Variants in RBFOX3 observed in about 807,000 individuals in gnomAD.
The protein encoded by RBFOX3 is RNA binding fox-1 homolog 3, also known as RNA binding protein fox-1 homolog 3.
A neutral mutation model predicts 48.7 loss-of-function variants in RBFOX3; 17 were observed. That is an observed-to-expected ratio of 0.35 (90% CI 0.24 to 0.52). The LOEUF is 0.52. RBFOX3 is among the 20% of genes least tolerant of loss of function. The pLI is 0.94. For synonymous variants in RBFOX3, 212 were observed against 209.5 expected (o/e 1.01, Z -0.10); for missense variants, 382 against 497.5 (o/e 0.77, Z 2.21).
At chr17:79,245,948 CTTT>C (rs2063113885) in intron 3 of RBFOX3, among the ~76,000 whole-genome samples, 2 of 152,096 alleles carry the variant, frequency 1.3e-5, no homozygotes, top group South Asian at 4.2e-4. Flanking sequence ...TTTTAATCCA[CTTT>C]TTAAGACAAT....
intron 4 of RBFOX3, among the ~76,000 whole-genome samples, chr17:79,177,210 C>CCA (rs978517407): frequency 4.1e-4 from 44 of 106,184 alleles, no homozygotes; most frequent in Middle Eastern, 9.1e-3. Context: ...CTCCTCCTCT[C>CCA]CCCCCCCGCC....
At chr17:79,468,965 TG>T (rs2076702131) in intron 2 of RBFOX3, among the ~76,000 whole-genome samples, 11 of 147,794 alleles carry the variant, frequency 7.4e-5, no homozygotes, top group Non-Finnish European at 1.5e-4. Context: ...GATGGATGGA[TG>T]GATGGATGGA....
chr17:79,520,538 G>A (rs890770578), intron 1 of RBFOX3, among the ~76,000 whole-genome samples: 38 of 152,212 alleles, frequency 2.5e-4, no homozygotes, highest in African/African-American at 9.1e-4. Context: ...TTCCCACACC[G>A]CCTGCCCCCT....
rs995239988 is a variant in RBFOX3 at position 79,502,921 on chromosome 17, G to C, written c.-319-20323C>G. On this transcript the variant is annotated intron_variant, in intron 1 of 14. Coordinates refer to ENST00000693108, the MANE Select transcript of RBFOX3 (RefSeq NM_001350451.2). ...TCACAGAGAACCCTTTCAAAGTCCT[G>C]TCCCGATCAGCTCAGGACCCCATAA... is the stretch of plus-strand genomic sequence containing the variant. Among the ~76,000 whole-genome samples, 29 of 152,314 alleles carry C rather than the reference G, an allele frequency of 1.9e-4. 1 individual carries two copies. The South Asian group carries it at 6.0e-3, about 32-fold the overall frequency.
intron 2 of RBFOX3, among the ~76,000 whole-genome samples, chr17:79,330,538 C>G (rs566844658): frequency 6.7e-6 from 1 of 149,884 alleles, no homozygotes. Flanking sequence ...AGGTTCCACA[C>G]GCTTCTCCGT....
intron 4 of RBFOX3, among the ~76,000 whole-genome samples, chr17:79,120,045 T>A (rs1268849986): frequency 1.3e-5 from 2 of 152,220 alleles, no homozygotes; most frequent in East Asian, 3.8e-4. Flanking sequence ...TTCCCAGGTC[T>A]GCTAGGGTCA....
chr17:79,279,937 G>A (rs906878114), intron 3 of RBFOX3, among the ~76,000 whole-genome samples: 4 of 152,182 alleles, frequency 2.6e-5, no homozygotes, highest in East Asian at 1.9e-4. Flanking sequence ...GAGGCACCGC[G>A]TGTCTGTGTG....
chr17:79,110,969 G>A (rs2146831128), intron 5 of RBFOX3, among the ~76,000 whole-genome samples: 1 of 152,352 alleles, frequency 6.6e-6, no homozygotes, highest in African/African-American at 2.4e-5. Flanking sequence ...CCTTCCATAA[G>A]CTGTGAGAGC....
At position 79,378,988 on chromosome 17, in the gene RBFOX3, G is replaced by A. The variant is rs116739298; in HGVS notation, c.-174-71164C>T. On this transcript the variant is annotated intron_variant, in intron 2 of 14. Coordinates refer to ENST00000693108, the MANE Select transcript of RBFOX3 (RefSeq NM_001350451.2). ...GCTTCGGAAAGCGGGTAGGAGCCTG[G>A]GTTCCGTGTCCCAGCCCTGGGTCTG... Among the ~76,000 whole-genome samples the A allele has an allele frequency of 7.0e-3, 1,063 of 152,280 alleles. 10 individuals carry two copies. The highest frequency in any genetic ancestry group is 0.024 in the African/African-American group (1,013 of 41,560).
intron 3 of RBFOX3, among the ~76,000 whole-genome samples, chr17:79,246,085 C>G (rs553402568): frequency 6.6e-6 from 1 of 152,294 alleles, no homozygotes; most frequent in South Asian, 2.1e-4. Context: ...TTTTCCTGCC[C>G]TCTCTGTCTT....
rs181878052 is a variant in RBFOX3, at chr17:79,103,373, A to G, written c.415-119T>C. The G allele has an allele frequency of 8.8e-4, 619 of 702,876 alleles. 3 individuals are homozygous for G. The African/African-American group carries it at 9.8e-3, about 11-fold the overall frequency. 43.5% of individuals were successfully genotyped at this position (702,876 alleles called of 1,614,324 possible). A position where few individuals can be genotyped will look rare whatever the true frequency, so the allele number is the denominator to read the frequency against. On this transcript the variant is annotated intron_variant, in intron 7 of 14. Transcript: ENST00000693108. This position sits in a 1 kb window ranked among gnomAD's most constrained non-coding sequence, Gnocchi z 6.1. ...GCAGGGGAGTGGGGAGAGAGAGAGA[A>G]GGGGTTGAGTCAGGTGAGTTGAGGC...
At chr17:79,355,040 C>T (rs541141989) in intron 2 of RBFOX3, among the ~76,000 whole-genome samples, 8 of 152,314 alleles carry the variant, frequency 5.3e-5, no homozygotes, top group South Asian at 2.1e-4. Flanking sequence ...CTCTTCCCAC[C>T]GGCCTCTCCT....
intron 3 of RBFOX3, among the ~76,000 whole-genome samples, chr17:79,259,341 G>A (rs1272655225): frequency 1.3e-5 from 2 of 152,252 alleles, no homozygotes; most frequent in Non-Finnish European, 2.9e-5. Flanking sequence ...AGGACCCGCA[G>A]CCCTGTGGCA....
At chr17:79,639,279 A>G in the RBFOX3 span, among the ~76,000 whole-genome samples, 1 of 151,860 alleles carries the variant, frequency 6.6e-6, no homozygotes, top group African/African-American at 2.4e-5. Flanking sequence ...GGTTCACGCC[A>G]TTCTCCTGCC....
chr17:79,642,274 A>G, the RBFOX3 span, among the ~76,000 whole-genome samples: 1 of 152,204 alleles, frequency 6.6e-6, no homozygotes, highest in African/African-American at 2.4e-5. Context: ...GGGATAAATA[A>G]GTTCCAGAAA....
the RBFOX3 span, among the ~76,000 whole-genome samples, chr17:79,626,547 T>G: frequency 6.6e-6 from 1 of 152,208 alleles, no homozygotes; most frequent in Non-Finnish European, 1.5e-5. Context: ...TCCTTTTTTG[T>G]GCCAATAGCA....
At chr17:79,620,177 ACACACATG>A in the RBFOX3 span, among the ~76,000 whole-genome samples, 4 of 132,374 alleles carry the variant, frequency 3.0e-5, no homozygotes, top group African/African-American at 5.5e-5. Context: ...ACACACATGC[ACACACATG>A]TGCACATGCA....
intron 1 of RBFOX3, among the ~76,000 whole-genome samples, chr17:79,582,260 A>G (rs2093094706): frequency 6.7e-6 from 1 of 149,520 alleles, no homozygotes; most frequent in African/African-American, 2.5e-5. Flanking sequence ...GTGCCTGTGT[A>G]TGCATGCATG....
At chr17:79,104,740 G>A (rs960646001) in intron 6 of RBFOX3, among the ~76,000 whole-genome samples, 2 of 152,198 alleles carry the variant, frequency 1.3e-5, no homozygotes, top group Non-Finnish European at 2.9e-5. Context: ...GGCCACCGGA[G>A]AGCAGGACCC....
Sources: gnomAD v4.1 joint callset for allele counts (sites outside exome capture counted in the v4.1 genomes callset) on GRCh38, gnomAD v4.1.1 for gene constraint, Gnocchi (gnomAD v3.1) non-coding constraint, MANE v1.5 for transcripts, NCBI Gene and HGNC (gene_info 2026-07-23, HGNC 2026-07-21) for gene names.